Variants in UTP11 observed in about 807,000 individuals in gnomAD.
UTP11 encodes probable U3 small nucleolar RNA-associated protein 11.
A neutral mutation model predicts 39.0 loss-of-function variants in UTP11; 29 were observed. The observed-to-expected ratio is 0.74, with a 90% CI of 0.55 to 1.01. The LOEUF (loss-of-function observed/expected upper bound fraction) is 1.01, where lower values mean the gene tolerates loss of function less well. Ranked by LOEUF, UTP11 falls within the 50% of genes least tolerant of loss-of-function variation. UTP11 has a pLI of 0.00. For synonymous variants in UTP11, 111 were observed against 105.0 expected (o/e 1.06, Z -0.35); for missense variants, 281 against 306.0 (o/e 0.92, Z 0.61).
chr1:38,016,447 G>A (rs1259389942), intron 2 of UTP11, 27 bp downstream of exon 2: 4 of 1,612,482 alleles, frequency 2.5e-6, no homozygotes, highest in South Asian at 2.2e-5. Context: ...TGGTAGAGGC[G>A]CTGCCAAGAA....
chr1:38,022,664 A>G lies in UTP11; in HGVS notation c.568-35A>G, dbSNP rs371970173. The G allele has an allele frequency of 2.3e-5, 34 of 1,465,998 alleles. No individual in the cohort carries two copies. In the East Asian group the frequency reaches 4.1e-4, roughly 18 times the overall value. 90.8% of individuals were successfully genotyped at this position (1,465,998 alleles called of 1,614,324 possible). ...TTTCTTACTCATTTTTGTCCTGTTCATTGTTCACTGAGAATGTGTGTGTTT... is the reference window on the plus strand; with the variant it reads ...TTTCTTACTCATTTTTGTCCTGTTCGTTGTTCACTGAGAATGTGTGTGTTT... On this transcript the variant is annotated intron_variant, in intron 6 of 7. Transcript: ENST00000373014.
intron 3 of UTP11, 104 bp from the exon 4 acceptor site, chr1:38,018,360 C>T (rs540113796): frequency 1.9e-5 from 14 of 730,858 alleles, no homozygotes; most frequent in Admixed American, 5.6e-5. Flanking sequence ...TGTGAGTGAC[C>T]GCACTTGGCC....
At chr1:38,016,533 T>C in intron 2 of UTP11, 113 bp downstream of exon 2, 1 of 1,104,158 alleles carries the variant, frequency 9.1e-7, no homozygotes, top group Non-Finnish European at 1.4e-6. Flanking sequence ...ATTGATAAAA[T>C]GGCCAAAGCT....
At chr1:38,013,523 A>G (rs542722958) in intron 1 of UTP11, among the ~76,000 whole-genome samples, 2 of 152,254 alleles carry the variant, frequency 1.3e-5, no homozygotes, top group East Asian at 3.9e-4. Context: ...ATAAGCTTAT[A>G]TGCAGAATCA....
Position 38,023,591 on chromosome 1 carries a change from C to T in UTP11, c.725C>T (p.Pro242Leu). ...GTGAAGAAAGAAACGGTGAACTCCC[C>T]AGCTATTTATAAATTTCAGAGTCGT... The part of the protein sequence containing the change: ...VKVKKETVNS[P>L]AIYKFQSRRK... The change falls in exon 8 of 8, where the codon CCA becomes CTA. Residue 242 changes from proline to leucine, a missense_variant. Transcript: ENST00000373014. 1 of 1,611,056 alleles carries T rather than the reference C, an allele frequency of 6.2e-7. No individual in the cohort carries two copies.
At chr1:38,020,109 T>G (rs1384592216) in intron 6 of UTP11, among the ~76,000 whole-genome samples, 2 of 152,004 alleles carry the variant, frequency 1.3e-5, no homozygotes, top group Non-Finnish European at 2.9e-5. Context: ...CTTTCTGTGT[T>G]TTTATTTTTC....
At chr1:38,017,481 G>A (rs1216672893) in intron 2 of UTP11, 187 bp from the exon 3 acceptor site, 3 of 454,438 alleles carry the variant, frequency 6.6e-6, no homozygotes, top group Non-Finnish European at 1.2e-5. Flanking sequence ...TGTGGACCCT[G>A]CGAAGACATG....
At chr1:38,014,863 C>T (rs900873529) in intron 1 of UTP11, among the ~76,000 whole-genome samples, 1 of 151,796 alleles carries the variant, frequency 6.6e-6, no homozygotes, top group African/African-American at 2.4e-5. Flanking sequence ...AGGCTGGTCT[C>T]GAACTCCTGG....
At position 38,019,394 on chromosome 1, in the gene UTP11, CTGT is replaced by C. The variant is rs771605049; in HGVS notation, c.567+16_567+18del. The C allele has an allele frequency of 6.2e-6, 10 of 1,601,750 alleles. No homozygotes were observed. The highest frequency in any genetic ancestry group is 4.1e-5 in the African/African-American group (3 of 73,064). On this transcript the variant is annotated intron_variant, in intron 6 of 7. Transcript: ENST00000373014. ...CAGACTGGACTTAAGGTAATTTTCTCTGTTGTTCTTCACATGTGAGCTTAGGGG... is the reference window on the plus strand; with the variant it reads ...CAGACTGGACTTAAGGTAATTTTCTCTGTTCTTCACATGTGAGCTTAGGGG...
At chr1:38,019,430 G>A (rs1019677273) in intron 6 of UTP11, 47 bp downstream of exon 6, 80 of 1,389,236 alleles carry the variant, frequency 5.8e-5, no homozygotes, top group Non-Finnish European at 7.2e-5. Flanking sequence ...GGGAATCTAG[G>A]TGTTTTTTTT....
Position 38,019,272 on chromosome 1 carries a change from A to C in UTP11, c.456A>C (p.Ala152=). 1 of 1,614,132 alleles carries C rather than the reference A, an allele frequency of 6.2e-7. No homozygotes were observed. Among genetic ancestry groups the C allele is most frequent in the Middle Eastern group, 1.6e-4 (1 of 6,062 alleles). ...TTTTAGTTGAACAGTTTGATGTCGCAACTCACCTGCAAACAGCCCCGGAGC... is the reference window on the plus strand; with the variant it reads ...TTTTAGTTGAACAGTTTGATGTCGCCACTCACCTGCAAACAGCCCCGGAGC... ...TKKEVEQFDV[A]THLQTAPELV... Residue 152 remains alanine, a synonymous_variant, in exon 6 of 8, where the codon GCA becomes GCC. Transcript: ENST00000373014.
chr1:38,014,345 G>T (rs768949634), intron 1 of UTP11, among the ~76,000 whole-genome samples: 86 of 152,334 alleles, frequency 5.6e-4, no homozygotes, highest in Middle Eastern at 3.4e-3. Context: ...TGACACAAAC[G>T]TTCCATATTT....
Position 38,019,085 on chromosome 1 carries a change from C to T in UTP11, c.369C>T (p.Leu123=). ...AAATCGAAAGACTAAAATCAGAGCT[C>T]CATCTGCTGGATTTCCAGGGGAAGC... The part of the protein sequence containing the change: ...AKKIERLKSE[L]HLLDFQGKQQ... Residue 123 remains leucine, a synonymous_variant, in exon 5 of 8, where the codon CTC becomes CTT. Transcript: ENST00000373014. 6.2e-7 allele frequency: 1 copy of T among 1,613,772 alleles called. No homozygotes were observed. Among genetic ancestry groups the T allele is most frequent in the Non-Finnish European group, 8.5e-7 (1 of 1,179,990 alleles).
Position 38,017,757 on chromosome 1 carries a change from G to T in UTP11, c.215G>T (p.Arg72Leu), listed in dbSNP as rs375933004. 6.2e-7 allele frequency: 1 copy of T among 1,611,442 alleles called. No individual in the cohort carries two copies. Among genetic ancestry groups the T allele is most frequent in the African/African-American group, 1.3e-5 (1 of 74,678 alleles). The change falls in exon 3 of 8, where the codon CGG becomes CTG. Residue 72 changes from arginine (R) to leucine (L), a missense_variant. By Grantham distance (102) the Arg-to-Leu change is moderately radical. Transcript: ENST00000373014. Reference sequence around the variant, plus strand: ...GATGAATTCTACTACAAAATGACTCGGGTTAAACTCCAGGTGGGTGCCCAA... The same window carrying T: ...GATGAATTCTACTACAAAATGACTCTGGTTAAACTCCAGGTGGGTGCCCAA... ...NPDEFYYKMT[R>L]VKLQDGVHII... is the part of the protein sequence containing the mutation.
Position 38,023,698 on chromosome 1 carries a change from A to G in UTP11, c.*70A>G, listed in dbSNP as rs956463159. 2.9e-6 allele frequency: 4 copies of G among 1,363,616 alleles called. No homozygotes were observed. Among genetic ancestry groups the G allele is most frequent in the Admixed American group, 4.2e-5 (2 of 47,924 alleles). 84.5% of individuals were successfully genotyped at this position (1,363,616 alleles called of 1,614,324 possible). A position where few individuals can be genotyped will look rare whatever the true frequency, so the allele number is the denominator to read the frequency against. On this transcript the variant is annotated 3_prime_UTR_variant, in exon 8 of 8. Transcript: ENST00000373014. ...TCGTTTTCTAGTAACTTCAAATTCC[A>G]TTACTCCAAATGGCATGGTTTTCCG...
At chr1:38,013,059 T>C (rs1646687331) in intron 1 of UTP11, among the ~76,000 whole-genome samples, 194 bp downstream of exon 1, 1 of 152,242 alleles carries the variant, frequency 6.6e-6, no homozygotes, top group Non-Finnish European at 1.5e-5. Flanking sequence ...GTTTCCGTTC[T>C]AGGAAAAGCA....
intron 6 of UTP11, 146 bp downstream of exon 6, chr1:38,019,529 G>A: frequency 1.3e-6 from 1 of 751,742 alleles, no homozygotes; most frequent in Non-Finnish European, 1.8e-6. Flanking sequence ...TGTCTCCCAG[G>A]CTGGAGTGCA....
At chr1:38,022,025 G>T (rs934704700) in intron 6 of UTP11, among the ~76,000 whole-genome samples, 2 of 152,198 alleles carry the variant, frequency 1.3e-5, no homozygotes, top group Non-Finnish European at 2.9e-5. Context: ...GTGAGCTTCT[G>T]CTGAAAAAAT....
At chr1:38,014,318 A>G (rs1173129173) in intron 1 of UTP11, among the ~76,000 whole-genome samples, 2 of 152,216 alleles carry the variant, frequency 1.3e-5, no homozygotes, top group Non-Finnish European at 2.9e-5. Flanking sequence ...ACCATCCTGA[A>G]AAGGTGGGTA....
Sources: gnomAD v4.1 joint callset for allele counts (sites outside exome capture counted in the v4.1 genomes callset) on GRCh38, gnomAD v4.1.1 for gene constraint, MANE v1.5 for transcripts, NCBI Gene and HGNC (gene_info 2026-07-23, HGNC 2026-07-21) for gene names.